Variants in SNX1 observed in about 807,000 individuals in gnomAD.
The protein encoded by SNX1 is sorting nexin-1.
A neutral mutation model predicts 71.8 loss-of-function variants in SNX1; 36 were observed. The ratio of observed to expected loss-of-function variants is 0.50; its 90% CI spans 0.38 to 0.66. The LOEUF (loss-of-function observed/expected upper bound fraction) is 0.66. Ranked by LOEUF, SNX1 falls within the 30% of genes least tolerant of loss-of-function variation. SNX1 has a pLI of 0.00. For missense variants in SNX1, 612 were observed against 646.7 expected (o/e 0.95, Z 0.58); for synonymous variants, 254 against 240.7 (o/e 1.06, Z -0.51).
At chr15:64,135,150 G>A (rs932021435) in intron 12 of SNX1, among the ~76,000 whole-genome samples, 1 of 151,720 alleles carries the variant, frequency 6.6e-6, no homozygotes, top group Admixed American at 6.6e-5. Flanking sequence ...ATGGAGTCTC[G>A]CTCTGTCAAC....
chr15:64,118,800 G>A lies in SNX1; in HGVS notation c.412G>A (p.Glu138Lys). 6.2e-7 allele frequency: 1 copy of A among 1,613,072 alleles called. No individual in the cohort carries two copies. The highest frequency in any genetic ancestry group is 1.3e-5 in the African/African-American group (1 of 74,924). Residue 138 changes from glutamate (E) to lysine (K), a missense_variant, in exon 4 of 15, where the codon GAA becomes AAA. Physicochemically the swap from Glu to Lys is moderately conservative, Grantham distance 56 (BLOSUM62 1). Around this residue, in one of 2 missense-constraint regions of SNX1, gnomAD observed 316 missense variants for 284.9 expected, o/e 1.11. Transcript: ENST00000559844. ...QPTYEELEEEEQEDQFDLTVG... is the reference protein window; with the variant it reads ...QPTYEELEEEKQEDQFDLTVG... ...TTTCTTGAAAAAGCTAGAGGAAGAAGAACAGGAGGATCAATTTGATTTGAC... is the reference window on the plus strand; with the variant it reads ...TTTCTTGAAAAAGCTAGAGGAAGAAAAACAGGAGGATCAATTTGATTTGAC...
At chr15:64,104,984 CA>C (rs2081004884) in intron 1 of SNX1, among the ~76,000 whole-genome samples, 2 of 151,648 alleles carry the variant, frequency 1.3e-5, no homozygotes, top group Non-Finnish European at 2.9e-5. Context: ...CCTGTAATCC[CA>C]GCACTTTGGG....
At chr15:64,136,120 A>C (rs1322046353) in intron 12 of SNX1, among the ~76,000 whole-genome samples, 10 of 152,216 alleles carry the variant, frequency 6.6e-5, no homozygotes. Context: ...CCTGAAACAC[A>C]GGCATCTCTT....
chr15:64,115,421 G>A (rs1374325872), intron 2 of SNX1, among the ~76,000 whole-genome samples: 1 of 152,176 alleles, frequency 6.6e-6, no homozygotes, highest in Non-Finnish European at 1.5e-5. Context: ...AATAAATCTA[G>A]TGATGATCAG....
intron 5 of SNX1, 87 bp downstream of exon 5, chr15:64,123,633 T>C: frequency 8.9e-7 from 1 of 1,122,610 alleles, no homozygotes; most frequent in Non-Finnish European, 1.3e-6. Flanking sequence ...TCTGGGTATC[T>C]CCTTTGTTTC....
intron 1 of SNX1, among the ~76,000 whole-genome samples, chr15:64,106,551 G>A (rs886235984): frequency 6.6e-6 from 1 of 152,206 alleles, no homozygotes; most frequent in Admixed American, 6.5e-5. Context: ...GAGTATGTTA[G>A]GTTATGTGGC....
At position 64,134,645 on chromosome 15, in the gene SNX1, C is replaced by A; in HGVS notation, c.1222-19C>A. The A allele has an allele frequency of 6.2e-7, 1 of 1,603,214 alleles. No homozygotes were observed. Among genetic ancestry groups the A allele is most frequent in the Non-Finnish European group, 8.5e-7 (1 of 1,174,580 alleles). On this transcript the variant is annotated intron_variant, in intron 11 of 14. Coordinates refer to ENST00000559844, the MANE Select transcript of SNX1 (RefSeq NM_003099.5). This position sits in a 1 kb window ranked among gnomAD's most constrained non-coding sequence, Gnocchi z 4.1. Reference sequence around the variant, plus strand: ...TCTTGAAGAGCTGGTTGTGCTCCTCCTCAACCCCACCCCCACAGGCTGCCT... The same window carrying A: ...TCTTGAAGAGCTGGTTGTGCTCCTCATCAACCCCACCCCCACAGGCTGCCT...
chr15:64,124,780 T>C (rs1250755220), intron 5 of SNX1, among the ~76,000 whole-genome samples: 1 of 152,198 alleles, frequency 6.6e-6, no homozygotes, highest in Non-Finnish European at 1.5e-5. Flanking sequence ...CTGCAAATAT[T>C]GGACACAAGG....
In SNX1 at chr15:64,138,409, T is replaced by G; in HGVS notation, c.*791T>G. ...CCTGCTTCCCTAAGCTGCTCAGGGT[T>G]CTCTGAGTCTTGCCCTCTGATGGCA... On this transcript the variant is annotated 3_prime_UTR_variant, in exon 15 of 15. Coordinates refer to ENST00000559844, the MANE Select transcript of SNX1 (RefSeq NM_003099.5). 2.0e-6 allele frequency: 1 copy of G among 501,754 alleles called. No individual in the cohort carries two copies. The allele number at this position is 501,754 out of a possible 1,614,324, so 31.1% of individuals were successfully genotyped here.
chr15:64,123,661 G>C, intron 5 of SNX1, 115 bp downstream of exon 5: 1 of 858,044 alleles, frequency 1.2e-6, no homozygotes, highest in Non-Finnish European at 1.9e-6. Context: ...ACATCTTCAT[G>C]TTTACTCAAG....
Position 64,117,312 on chromosome 15 carries a change from T to G in SNX1, c.272-805T>G, listed in dbSNP as rs535350397. 3.3e-5 allele frequency among the ~76,000 whole-genome samples: 5 copies of G among 152,256 alleles called. No homozygotes were observed. In the South Asian group the frequency reaches 1.0e-3, roughly 32 times the overall value. ...CTCTGTTGCCCAGGCTGAAGTGCAG[T>G]GGCGCGATCTCGGCTCACTGCAACC... On this transcript the variant is annotated intron_variant, in intron 2 of 14. Transcript: ENST00000559844.
At chr15:64,124,068 C>G (rs2081222722) in intron 5 of SNX1, among the ~76,000 whole-genome samples, 1 of 150,372 alleles carries the variant, frequency 6.7e-6, no homozygotes, top group African/African-American at 2.5e-5. Context: ...GCGTGTTTTT[C>G]CATCATATCC....
chr15:64,134,953 G>A lies in SNX1; in HGVS notation c.1365+146G>A, dbSNP rs2081343073. 1.9e-6 allele frequency: 2 copies of A among 1,052,698 alleles called. No homozygotes were observed. The highest frequency in any genetic ancestry group is 2.7e-6 in the Non-Finnish European group (2 of 740,934). 65.2% of individuals were successfully genotyped at this position (1,052,698 alleles called of 1,614,324 possible). On this transcript the variant is annotated intron_variant, in intron 12 of 14. Coordinates refer to ENST00000559844, the MANE Select transcript of SNX1 (RefSeq NM_003099.5). This position sits in a 1 kb window ranked among gnomAD's most constrained non-coding sequence, Gnocchi z 4.1. ...CCGTGGCTGCTGAGGAAGCCTCTGA[G>A]AATGACTCCAGGCCTTCCTGAGGCC...
rs1358255436 is a variant in SNX1, at chr15:64,101,380, T to C, written c.159+5208T>C. Among the ~76,000 whole-genome samples, 3 of 152,370 alleles carry C rather than the reference T, an allele frequency of 2.0e-5. No homozygotes were observed. The East Asian group carries it at 5.8e-4, about 29-fold the overall frequency. On this transcript the variant is annotated intron_variant, in intron 1 of 14. Transcript: ENST00000559844. ...AGTCAAATAGTATTTGTTTTGTGAC[T>C]GGCTTATTTTACTTAGCACAGTGTC... is the stretch of plus-strand genomic sequence containing the variant.
At position 64,138,031 on chromosome 15, in the gene SNX1, T is replaced by G. The variant is rs1350380926; in HGVS notation, c.*413T>G. On this transcript the variant is annotated 3_prime_UTR_variant, in exon 15 of 15. Coordinates refer to ENST00000559844, the MANE Select transcript of SNX1 (RefSeq NM_003099.5). The stretch of plus-strand genomic sequence containing the variant: ...GTCACATGACTCAGAATGTTGGTGG[T>G]TTTTGCTTAGGCTGGGGAGCAGTTG... The G allele has an allele frequency of 9.9e-6, 15 of 1,512,024 alleles. No individual in the cohort carries two copies. Among genetic ancestry groups the G allele is most frequent in the African/African-American group, 1.4e-5 (1 of 71,772 alleles). 93.7% of individuals were successfully genotyped at this position (1,512,024 alleles called of 1,614,324 possible). A position where few individuals can be genotyped will look rare whatever the true frequency, so the allele number is the denominator to read the frequency against.
At chr15:64,111,421 G>A (rs2081076721) in intron 1 of SNX1, 1 of 152,162 alleles carries the variant, frequency 6.6e-6, no homozygotes, top group South Asian at 2.1e-4. Flanking sequence ...ATATTGGTAT[G>A]TTTCTTTTCT....
At chr15:64,116,108 C>T (rs935574745) in intron 2 of SNX1, among the ~76,000 whole-genome samples, 1 of 152,162 alleles carries the variant, frequency 6.6e-6, no homozygotes, top group Non-Finnish European at 1.5e-5. Context: ...AATCAATTAA[C>T]ATGTCTTTTG....
At position 64,118,287 on chromosome 15, in the gene SNX1, G is replaced by A. The variant is rs920152452; in HGVS notation, c.399+43G>A. On this transcript the variant is annotated intron_variant, in intron 3 of 14. Coordinates refer to ENST00000559844, the MANE Select transcript of SNX1 (RefSeq NM_003099.5). ...TGGTCTTATCGCTTTTAGATATTGA[G>A]GACTGTGTACGGCCAGTCTGAAGTG... 1.1e-5 allele frequency: 17 copies of A among 1,585,522 alleles called. No individual in the cohort carries two copies. The African/African-American group carries it at 1.8e-4, about 17-fold the overall frequency.
At chr15:64,118,271 C>G in intron 3 of SNX1, 27 bp downstream of exon 3, 1 of 1,598,256 alleles carries the variant, frequency 6.3e-7, no homozygotes, top group Non-Finnish European at 8.5e-7. Context: ...TTGGTCTTAT[C>G]GCTTTTAGAT....
Sources: gnomAD v4.1 joint callset for allele counts (sites outside exome capture counted in the v4.1 genomes callset) on GRCh38, gnomAD v4.1.1 for gene constraint, gnomAD v4.1.1 regional missense constraint, Gnocchi (gnomAD v3.1) non-coding constraint, MANE v1.5 for transcripts, NCBI Gene and HGNC (gene_info 2026-07-23, HGNC 2026-07-21) for gene names.